The following GPC5 variants were observed in gnomAD, a reference collection of about 807,000 sequenced individuals.
GPC5 encodes glypican 5.
Under a neutral mutation model 53.9 loss-of-function variants are expected in GPC5, and 47 were observed. That is an observed-to-expected ratio of 0.87 (90% CI 0.69 to 1.11). The LOEUF (loss-of-function observed/expected upper bound fraction) is 1.11. Among genes scored for constraint, GPC5 ranks in the 50% most tolerant of loss-of-function variants. GPC5 has a pLI of 0.00. For missense variants in GPC5, 748 were observed against 713.1 expected (o/e 1.05, Z -0.56); for synonymous variants, 286 against 263.3 (o/e 1.09, Z -0.84).
At chr13:92,518,737 C>G (rs1260300413) in intron 7 of GPC5, among the ~76,000 whole-genome samples, 1 of 152,122 alleles carries the variant, frequency 6.6e-6, no homozygotes, top group African/African-American at 2.4e-5. Flanking sequence ...GCAAAATAAC[C>G]AGCTAACATC....
intron 3 of GPC5, among the ~76,000 whole-genome samples, chr13:91,696,069 C>T (rs1285887430): frequency 2.0e-5 from 3 of 152,164 alleles, no homozygotes; most frequent in Non-Finnish European, 4.4e-5. Context: ...TTAAATAGGA[C>T]AGTGTTGGTC....
intron 6 of GPC5, among the ~76,000 whole-genome samples, chr13:92,033,202 T>G (rs2040867832): frequency 6.6e-6 from 1 of 152,190 alleles, no homozygotes; most frequent in Non-Finnish European, 1.5e-5. Context: ...TATTTGATTT[T>G]GTTCAAAATC....
At chr13:91,721,386 C>T (rs536296619) in intron 3 of GPC5, among the ~76,000 whole-genome samples, 3 of 152,262 alleles carry the variant, frequency 2.0e-5, no homozygotes, top group African/African-American at 7.2e-5. Flanking sequence ...CTGCCTGCCT[C>T]AGCCTCCCAA....
At chr13:92,232,182 T>G (rs1192436249) in intron 7 of GPC5, among the ~76,000 whole-genome samples, 1 of 152,104 alleles carries the variant, frequency 6.6e-6, no homozygotes, top group Admixed American at 6.6e-5. Context: ...AAGAATCGTT[T>G]TTTCCATCCA....
intron 7 of GPC5, among the ~76,000 whole-genome samples, chr13:92,339,377 C>T (rs1457944220): frequency 6.6e-6 from 1 of 151,874 alleles, no homozygotes; most frequent in South Asian, 2.1e-4. Context: ...AATAAGAATG[C>T]CTTGTGTATT....
chr13:92,277,015 A>G (rs1026962771), intron 7 of GPC5, among the ~76,000 whole-genome samples: 2 of 151,582 alleles, frequency 1.3e-5, no homozygotes, highest in Non-Finnish European at 2.9e-5. Context: ...TCTTTACTTT[A>G]TATTTACAGG....
chr13:91,956,338 G>T (rs1320081786), intron 6 of GPC5, among the ~76,000 whole-genome samples: 1 of 152,228 alleles, frequency 6.6e-6, no homozygotes, highest in Non-Finnish European at 1.5e-5. Flanking sequence ...TGGGCCTGGG[G>T]ACTGGCCTGC....
chr13:92,746,673 T>C (rs749962329), intron 7 of GPC5, among the ~76,000 whole-genome samples: 5 of 152,122 alleles, frequency 3.3e-5, no homozygotes, highest in Non-Finnish European at 2.9e-5. Context: ...CTTAACTTCA[T>C]AGATTTCGTA....
At chr13:91,434,702 G>GT (rs1218861127) in intron 1 of GPC5, among the ~76,000 whole-genome samples, 1 of 152,110 alleles carries the variant, frequency 6.6e-6, no homozygotes, top group Non-Finnish European at 1.5e-5. Flanking sequence ...CTTTAAAGTA[G>GT]TTTTTTTCCA....
chr13:91,774,202 A>G (rs2037671870), intron 5 of GPC5, among the ~76,000 whole-genome samples: 1 of 152,170 alleles, frequency 6.6e-6, no homozygotes, highest in South Asian at 2.1e-4. Context: ...GATTCTTACT[A>G]AAAAAATGTG....
intron 2 of GPC5, among the ~76,000 whole-genome samples, chr13:91,589,357 C>G (rs1319212741): frequency 6.6e-6 from 1 of 151,654 alleles, no homozygotes; most frequent in East Asian, 1.9e-4. Context: ...CTCTCTCTCT[C>G]CCCACCACCT....
At chr13:92,384,878 A>G (rs2043779414) in intron 7 of GPC5, among the ~76,000 whole-genome samples, 1 of 152,038 alleles carries the variant, frequency 6.6e-6, no homozygotes, top group Admixed American at 6.6e-5. Context: ...AAATTGCTAG[A>G]TATATATTCA....
At chr13:92,838,338 G>C (rs772226716) in intron 7 of GPC5, among the ~76,000 whole-genome samples, 5 of 151,696 alleles carry the variant, frequency 3.3e-5, no homozygotes, top group African/African-American at 4.8e-5. Flanking sequence ...CAAAAAATTA[G>C]CTGGGCGTGG....
At position 92,320,667 on chromosome 13, in the gene GPC5, C is replaced by T. The variant is rs529964147; in HGVS notation, c.1561+175678C>T. On this transcript the variant is annotated intron_variant, in intron 7 of 7. Transcript: ENST00000377067. ...GGGAAAATATACTTTTGTCTAAAGT[C>T]TCTCTTTCTAATCAAAGCGGCAACC... 1.1e-3 allele frequency among the ~76,000 whole-genome samples: 162 copies of T among 152,184 alleles called. 1 individual carries two copies. The South Asian group carries it at 0.015, about 14-fold the overall frequency.
chr13:92,468,028 C>T (rs956022151), intron 7 of GPC5, among the ~76,000 whole-genome samples: 3 of 152,084 alleles, frequency 2.0e-5, no homozygotes, highest in Non-Finnish European at 4.4e-5. Flanking sequence ...TCTAGATTAA[C>T]TTTCCCACCT....
intron 7 of GPC5, among the ~76,000 whole-genome samples, chr13:92,183,018 T>G (rs1038179346): frequency 6.6e-6 from 1 of 152,204 alleles, no homozygotes; most frequent in Non-Finnish European, 1.5e-5. Context: ...GTGTTAATGT[T>G]TGTTTTATGA....
intron 7 of GPC5, among the ~76,000 whole-genome samples, chr13:92,550,280 G>A (rs1259685364): frequency 6.6e-6 from 1 of 151,706 alleles, no homozygotes; most frequent in African/African-American, 2.4e-5. Context: ...TATTATCCAG[G>A]TCAACAACCT....
chr13:92,278,704 T>C (rs1475397919), intron 7 of GPC5, among the ~76,000 whole-genome samples: 2 of 152,066 alleles, frequency 1.3e-5, no homozygotes, highest in African/African-American at 4.8e-5. Context: ...TTAAATTTTG[T>C]GTTGGGTGTG....
At chr13:92,252,337 A>G (rs2042698132) in intron 7 of GPC5, among the ~76,000 whole-genome samples, 2 of 152,186 alleles carry the variant, frequency 1.3e-5, no homozygotes, top group South Asian at 4.1e-4. Context: ...CTCATTTACT[A>G]ACAGAAAGTA....
Sources: gnomAD v4.1 joint callset for allele counts (sites outside exome capture counted in the v4.1 genomes callset) on GRCh38, gnomAD v4.1.1 for gene constraint, MANE v1.5 for transcripts, NCBI Gene and HGNC (gene_info 2026-07-23, HGNC 2026-07-21) for gene names.